MEOX2: variants seen among roughly 807,000 people sequenced by gnomAD.
MEOX2 encodes mesenchyme homeobox 2, also known as homeobox protein MOX-2.
MEOX2 carries 11 observed loss-of-function variants against 27.0 expected under a neutral mutation model. That is an observed-to-expected ratio of 0.41 (90% CI 0.26 to 0.68). The LOEUF is 0.68. Ranked by LOEUF, MEOX2 falls within the 30% of genes least tolerant of loss-of-function variation. MEOX2 has a pLI of 0.33. For synonymous variants in MEOX2, 189 were observed against 155.4 expected, an observed-to-expected ratio of 1.22 and a Z score of -1.61; for missense variants, 436 against 385.4, an observed-to-expected ratio of 1.13 and a Z score of -1.10.
At chr7:15,648,499 G>C (rs942150045) in intron 1 of MEOX2, among the ~76,000 whole-genome samples, 1 of 152,086 alleles carries the variant, frequency 6.6e-6, no homozygotes, top group African/African-American at 2.4e-5. Flanking sequence ...TCACTGCTGG[G>C]ATACAGAGGA....
intron 1 of MEOX2, among the ~76,000 whole-genome samples, chr7:15,664,694 G>T (rs138515488): frequency 1.3e-5 from 2 of 152,218 alleles, no homozygotes; most frequent in East Asian, 3.9e-4. Flanking sequence ...CTCTTCAAAC[G>T]TCCTATGTTC....
At chr7:15,621,196 A>T (rs1781217918) in intron 2 of MEOX2, among the ~76,000 whole-genome samples, 1 of 152,224 alleles carries the variant, frequency 6.6e-6, no homozygotes, top group African/African-American at 2.4e-5. Flanking sequence ...TGAAGGTTAT[A>T]TGAGAATATG....
At chr7:15,644,444 C>G (rs116756218) in intron 1 of MEOX2, among the ~76,000 whole-genome samples, 1 of 152,110 alleles carries the variant, frequency 6.6e-6, no homozygotes, top group Non-Finnish European at 1.5e-5. Context: ...CACAAGGAAT[C>G]TAAAAGAGCA....
At chr7:15,628,500 G>T (rs143725326) in intron 1 of MEOX2, among the ~76,000 whole-genome samples, 2 of 152,218 alleles carry the variant, frequency 1.3e-5, no homozygotes, top group South Asian at 2.1e-4. Context: ...CACTGACCAC[G>T]TTTCTGGGCT....
At chr7:15,617,718 A>G (rs1379560830) in intron 2 of MEOX2, among the ~76,000 whole-genome samples, 1 of 152,042 alleles carries the variant, frequency 6.6e-6, no homozygotes, top group African/African-American at 2.4e-5. Flanking sequence ...TGAAGGCTTA[A>G]GTCCTGTTTA....
chr7:15,665,643 A>G (rs1253376554), intron 1 of MEOX2, among the ~76,000 whole-genome samples: 2 of 152,206 alleles, frequency 1.3e-5, no homozygotes, highest in East Asian at 3.9e-4. Context: ...CTGAGATCTC[A>G]TCAATAAGAA....
intron 1 of MEOX2, among the ~76,000 whole-genome samples, chr7:15,634,830 C>G (rs1247088034): frequency 6.6e-6 from 1 of 151,846 alleles, no homozygotes; most frequent in Non-Finnish European, 1.5e-5. Flanking sequence ...CTAATTCACC[C>G]AAAATATAAC....
intron 1 of MEOX2, among the ~76,000 whole-genome samples, chr7:15,632,755 A>G (rs1240175669): frequency 6.6e-6 from 1 of 151,972 alleles, no homozygotes; most frequent in Non-Finnish European, 1.5e-5. Context: ...GGTAAAAATA[A>G]ACTTTGTAGA....
At chr7:15,673,560 T>C (rs998223739) in intron 1 of MEOX2, among the ~76,000 whole-genome samples, 89 of 149,968 alleles carry the variant, frequency 5.9e-4, no homozygotes, top group Non-Finnish European at 9.8e-4. Context: ...ATAAAGATTT[T>C]TTTTTTTAGA....
Position 15,612,572 on chromosome 7 carries a change from T to C in MEOX2, c.730A>G (p.Arg244Gly). 1.9e-6 allele frequency: 3 copies of C among 1,614,092 alleles called. No individual in the cohort carries two copies. The highest frequency in any genetic ancestry group is 2.5e-6 in the Non-Finnish European group (3 of 1,180,004). Residue 244 changes from arginine to glycine, a missense_variant, in exon 3 of 3, where the codon AGG (arginine) becomes GGG (glycine). Physicochemically the swap from Arg to Gly is moderately radical, Grantham distance 125. Coordinates refer to ENST00000262041, the MANE Select transcript of MEOX2 (RefSeq NM_005924.5). Reference sequence around the variant, plus strand: ...GCTCCTTGCTGTCCACCCTTTACCCTCTTCCACTTCATCCGCCTGTTTTGG... The same window carrying C: ...GCTCCTTGCTGTCCACCCTTTACCCCCTTCCACTTCATCCGCCTGTTTTGG... ...WFQNRRMKWK[R>G]VKGGQQGAAA...
chr7:15,622,149 T>C (rs1263067008), intron 2 of MEOX2, among the ~76,000 whole-genome samples: 2 of 152,100 alleles, frequency 1.3e-5, no homozygotes, highest in Non-Finnish European at 2.9e-5. Context: ...AGCAATCTTA[T>C]TATATAATTT....
intron 2 of MEOX2, among the ~76,000 whole-genome samples, chr7:15,613,287 T>G (rs1781061852): frequency 6.6e-6 from 1 of 152,028 alleles, no homozygotes; most frequent in South Asian, 2.1e-4. Context: ...ATATACTACA[T>G]CATTCACATC....
At chr7:15,655,625 A>T (rs927414094) in intron 1 of MEOX2, among the ~76,000 whole-genome samples, 1 of 151,616 alleles carries the variant, frequency 6.6e-6, no homozygotes, top group Non-Finnish European at 1.5e-5. Flanking sequence ...TTCCTTTTTG[A>T]CCCATAATAT....
intron 2 of MEOX2, 53 bp from the exon 3 acceptor site, chr7:15,612,664 A>G (rs1781051353): frequency 6.5e-7 from 1 of 1,534,238 alleles, no homozygotes; most frequent in Non-Finnish European, 9.0e-7. Flanking sequence ...AATTAAAGTG[A>G]CATTTTTTTC....
chr7:15,616,851 G>T lies in MEOX2; in HGVS notation c.691-4240C>A, dbSNP rs150174242. Among the ~76,000 whole-genome samples the T allele has an allele frequency of 5.0e-4, 76 of 151,996 alleles. No homozygotes were observed. The East Asian group carries it at 9.5e-3, about 19-fold the overall frequency. ...CTGTACTGTGTTAGATCAAAGATGG[G>T]AGGTGTTGAAGCACAAATAAAACAT... On this transcript the variant is annotated intron_variant, in intron 2 of 2. Coordinates refer to ENST00000262041, the MANE Select transcript of MEOX2 (RefSeq NM_005924.5).
intron 1 of MEOX2, 31 bp downstream of exon 1, chr7:15,685,855 G>A: frequency 6.5e-7 from 1 of 1,548,554 alleles, no homozygotes; most frequent in Non-Finnish European, 8.7e-7. Flanking sequence ...AGCCCGGCGC[G>A]CACTCTCGAG....
intron 1 of MEOX2, among the ~76,000 whole-genome samples, chr7:15,670,900 G>C (rs1194625513): frequency 6.6e-6 from 1 of 152,118 alleles, no homozygotes; most frequent in Non-Finnish European, 1.5e-5. Context: ...TCTCAACTTT[G>C]TCTATATATT....
At chr7:15,624,799 AGCAAAGG>A (rs1781273274) in intron 2 of MEOX2, among the ~76,000 whole-genome samples, 1 of 152,228 alleles carries the variant, frequency 6.6e-6, no homozygotes, top group Non-Finnish European at 1.5e-5. Context: ...TTTGTTACAC[AGCAAAGG>A]GTAACTAACA....
At chr7:15,643,495 G>A (rs969883585) in intron 1 of MEOX2, among the ~76,000 whole-genome samples, 2 of 152,130 alleles carry the variant, frequency 1.3e-5, no homozygotes, top group African/African-American at 4.8e-5. Flanking sequence ...ACAGGGGTGG[G>A]GGAGGGGGCT....
Sources: gnomAD v4.1 joint callset for allele counts (sites outside exome capture counted in the v4.1 genomes callset) on GRCh38, gnomAD v4.1.1 for gene constraint, MANE v1.5 for transcripts, NCBI Gene and HGNC (gene_info 2026-07-23, HGNC 2026-07-21) for gene names.